Variants in PLEC observed in about 807,000 individuals in gnomAD.
PLEC encodes the protein hemidesmosomal protein 1.
PLEC carries 216 observed loss-of-function variants against 392.8 expected under a neutral mutation model. The ratio of observed to expected loss-of-function variants is 0.55; its 90% CI spans 0.49 to 0.62. The LOEUF (loss-of-function observed/expected upper bound fraction) is 0.62. Ranked by LOEUF, PLEC falls within the 20% of genes least tolerant of loss-of-function variation. The probability of loss-of-function intolerance (pLI) is 0.00; values close to 1 mark genes in which losing one functional copy is unlikely to be tolerated. For synonymous variants in PLEC, 3,621 were observed against 2,980.6 expected (o/e 1.21, Z -7.00); for missense variants, 6,863 against 6,563.4 (o/e 1.05, Z -1.58).
chr8:143,932,712 C>G lies in PLEC; in HGVS notation c.1738G>C (p.Gly580Arg). 1 of 1,607,130 alleles carries G rather than the reference C, an allele frequency of 6.2e-7. No homozygotes were observed. The highest frequency in any genetic ancestry group is 8.5e-7 in the Non-Finnish European group (1 of 1,177,486). ...CCCCGGGTGGCGGGGGAGAGCTGGCCCTGCAACAGATGAGACGGTGAGGTC... is the reference window on the plus strand; with the variant it reads ...CCCCGGGTGGCGGGGGAGAGCTGGCGCTGCAACAGATGAGACGGTGAGGTC... ...AKIERARSDE[G>R]QLSPATRGAY... Residue 580 changes from glycine to arginine, a missense_variant and splice_region_variant, in exon 15 of 32, where the codon GGC (glycine) becomes CGC (arginine). Physicochemically the swap from Gly to Arg is moderately radical, Grantham distance 125. Coordinates refer to ENST00000345136, the MANE Select transcript of PLEC (RefSeq NM_201384.3).
intron 6 of PLEC, among the ~76,000 whole-genome samples, 171 bp from the exon 7 acceptor site, chr8:143,935,484 C>T (rs1828797492): frequency 1.3e-5 from 2 of 152,192 alleles, no homozygotes; most frequent in Admixed American, 1.3e-4. Flanking sequence ...CCTGCCACCC[C>T]CACACCCAGA....
At chr8:143,952,699 G>C (rs376622286), upstream of PLEC, among the ~76,000 whole-genome samples, 70 of 152,122 alleles carry the variant, frequency 4.6e-4, no homozygotes, top group Middle Eastern at 6.8e-3. Context: ...TGATCCCAAG[G>C]CCTCTTAAAA....
At chr8:143,967,398 C>T (rs1357387848) in intron 1 of PLEC, among the ~76,000 whole-genome samples, 1 of 136,552 alleles carries the variant, frequency 7.3e-6, no homozygotes, top group African/African-American at 2.7e-5. Flanking sequence ...AAGAAACAGA[C>T]AGAATTAAAC....
rs782675313 is a variant in PLEC at position 143,924,769 on chromosome 8, G to A, written c.5160C>T (p.Ala1720=). 1.1e-5 allele frequency: 17 copies of A among 1,535,088 alleles called. No individual in the cohort carries two copies. The highest frequency in any genetic ancestry group is 2.4e-5 in the South Asian group (2 of 84,108). The stretch of plus-strand genomic sequence containing the variant: ...GCTGCTGCTCCCCCTGCTCCGTCTC[G>A]GCCCGCAGCCGGATCAACTCCTGCT... The part of the protein sequence containing the change: ...AAEQELIRLR[A]ETEQGEQQRQ... Residue 1720 remains alanine (A), a synonymous_variant, in exon 31 of 32, where the codon GCC becomes GCT. Transcript: ENST00000345136.
At position 143,931,792 on chromosome 8, in the gene PLEC, CCT is replaced by C. The variant is rs572923509; in HGVS notation, c.2179-135_2179-134del. 1,052 of 1,478,030 alleles carry C rather than the reference CCT, an allele frequency of 7.1e-4. 1 individual carries two copies. Among genetic ancestry groups the C allele is most frequent in the Non-Finnish European group, 8.8e-4 (958 of 1,084,770 alleles). The allele number at this position is 1,478,030 out of a possible 1,614,324, so 91.6% of individuals were successfully genotyped here. On this transcript the variant is annotated intron_variant, in intron 18 of 31. Coordinates refer to ENST00000345136, the MANE Select transcript of PLEC (RefSeq NM_201384.3). ...GCCCCCAGGAGGCCTGGGGAGCACCCCTGTCCAAGGCCCCGGTCAGGCTGCAG... is the reference window on the plus strand; with the variant it reads ...GCCCCCAGGAGGCCTGGGGAGCACCCGTCCAAGGCCCCGGTCAGGCTGCAG...
At chr8:143,934,209 AGT>A in intron 11 of PLEC, 107 bp downstream of exon 11, 1 of 1,592,170 alleles carries the variant, frequency 6.3e-7, no homozygotes, top group Non-Finnish European at 8.6e-7. Flanking sequence ...TCCTAAGGCG[AGT>A]GGGAGCTTGG....
upstream of PLEC, among the ~76,000 whole-genome samples, chr8:143,952,341 C>A (rs1384848173): frequency 1.3e-5 from 2 of 152,202 alleles, no homozygotes; most frequent in African/African-American, 4.8e-5. Context: ...GCTCTCCCTC[C>A]CTCTGAAGCC....
intron 1 of PLEC, chr8:143,946,688 C>G (rs1831527106): frequency 4.0e-6 from 1 of 249,140 alleles, no homozygotes; most frequent in South Asian, 3.3e-5. Flanking sequence ...AGCAGACCCC[C>G]CGCCCAGCAG....
intron 12 of PLEC, 48 bp downstream of exon 12, chr8:143,933,950 G>T: frequency 6.6e-7 from 1 of 1,514,188 alleles, no homozygotes; most frequent in Non-Finnish European, 9.0e-7. Flanking sequence ...GGCGGGGCAG[G>T]CTCCTCCGGC....
intron 1 of PLEC, chr8:143,946,689 C>T (rs7463897): frequency 0.33 from 75,764 of 230,994 alleles, 14,636 homozygotes; most frequent in Non-Finnish European, 0.4. Flanking sequence ...GCAGACCCCC[C>T]GCCCAGCAGA....
At chr8:143,949,182 C>A (rs1831838802) in intron 1 of PLEC, among the ~76,000 whole-genome samples, 1 of 152,256 alleles carries the variant, frequency 6.6e-6, no homozygotes, top group South Asian at 2.1e-4. Context: ...CTTGGGCCTC[C>A]CCTGGGCCCC....
chr8:143,924,980 T>A lies in PLEC; in HGVS notation c.4949A>T (p.Glu1650Val), dbSNP rs2131442848. The change falls in exon 31 of 32, where the codon GAG becomes GTG. Residue 1650 changes from glutamate (E) to valine (V), a missense_variant. By Grantham distance (121) the Glu-to-Val change is moderately radical (BLOSUM62 -2). Transcript: ENST00000345136. ...EALRLRLQAE[E>V]VAQQKSLAQA... Reference sequence around the variant, plus strand: ...CGCCAGGCTCTTCTGCTGCGCCACCTCCTCCGCCTGCAGCCGCAGCCGTAG... The same window carrying A: ...CGCCAGGCTCTTCTGCTGCGCCACCACCTCCGCCTGCAGCCGCAGCCGTAG... The A allele has an allele frequency of 2.5e-6, 4 of 1,577,352 alleles. No homozygotes were observed. Among genetic ancestry groups the A allele is most frequent in the Non-Finnish European group, 3.4e-6 (4 of 1,170,012 alleles).
At position 143,916,206 on chromosome 8, in the gene PLEC, G is replaced by A. The variant is rs1554668250; in HGVS notation, c.13615C>T (p.Leu4539=). The A allele has an allele frequency of 6.5e-6, 10 of 1,544,222 alleles. No individual in the cohort carries two copies. The highest frequency in any genetic ancestry group is 2.0e-5 in the Admixed American group (1 of 50,836). ...GCCACGGCAGACTCAGGGCCCCCCA[G>A]GGAGGCCGAGGACCCCGAGGCGTAG... ...RRYASGSSAS[L]GGPESAVA is the part of the protein sequence containing the mutation. The change falls in exon 32 of 32, where the codon CTG becomes TTG. Residue 4539 remains leucine (L), a synonymous_variant. Transcript: ENST00000345136.
Position 143,936,990 on chromosome 8 carries a change from G to A in PLEC, c.424C>T (p.Leu142=). 1 of 1,611,894 alleles carries A rather than the reference G, an allele frequency of 6.2e-7. No individual in the cohort carries two copies. Among genetic ancestry groups the A allele is most frequent in the Admixed American group, 1.7e-5 (1 of 60,010 alleles). ...GGCAGCCGTTCTACCTGGAAGTGCA[G>A]AATGATTGTCCAGATGAGGCCAAGG... The part of the protein sequence containing the change: ...LTLGLIWTII[L]HFQISDIQVS... Residue 142 remains leucine (L), a synonymous_variant, in exon 5 of 32, where the codon CTG becomes TTG. Coordinates refer to ENST00000345136, the MANE Select transcript of PLEC (RefSeq NM_201384.3).
chr8:143,968,953 T>C (rs568154749), intron 1 of PLEC, among the ~76,000 whole-genome samples: 1 of 152,312 alleles, frequency 6.6e-6, no homozygotes, highest in Admixed American at 6.5e-5. Context: ...CTGGCAGTTC[T>C]TCAAAATGGT....
intron 1 of PLEC, among the ~76,000 whole-genome samples, chr8:143,964,158 G>A (rs1178639814): frequency 6.6e-6 from 1 of 152,114 alleles, no homozygotes; most frequent in Non-Finnish European, 1.5e-5. Context: ...TGAGACTTTG[G>A]GGCATGTTGG....
chr8:143,932,901 C>A lies in PLEC; in HGVS notation c.1629G>T (p.Glu543Asp), dbSNP rs201164522. The change falls in exon 14 of 32, where the codon GAG becomes GAT. Residue 543 changes from glutamate (E) to aspartate (D), a missense_variant. Transcript: ENST00000345136. ...CCACGCTGGGCAGGTCCACACCCCA[C>A]TCAGCGCCATCCACACGGTGCTGGT... ...EENQHRVDGA[E>D]WGVDLPSVEA... The A allele has an allele frequency of 9.3e-4, 1,500 of 1,612,606 alleles. 12 individuals carry two copies. In the African/African-American group the frequency reaches 0.018, roughly 19 times the overall value.
At chr8:143,966,109 C>G (rs1833075482) in intron 1 of PLEC, among the ~76,000 whole-genome samples, 1 of 152,182 alleles carries the variant, frequency 6.6e-6, no homozygotes, top group South Asian at 2.1e-4. Context: ...GCTGAGGTCC[C>G]AACACCCCTC....
chr8:143,921,659 A>G lies in PLEC; in HGVS notation c.8162T>C (p.Leu2721Pro). 6.2e-7 allele frequency: 1 copy of G among 1,613,034 alleles called. No homozygotes were observed. Among genetic ancestry groups the G allele is most frequent in the Non-Finnish European group, 8.5e-7 (1 of 1,179,916 alleles). The change falls in exon 32 of 32, where the codon CTG becomes CCG. Residue 2721 changes from leucine to proline, a missense_variant. Transcript: ENST00000345136. The stretch of plus-strand genomic sequence containing the variant: ...CAGGATGAGGGCCGTGCCGGGACTC[A>G]GCAGCTGCCTCTGCAGGGCGGCGTA... ...SVYAALQRQLLSPGTALILLE... is the reference protein window; with the variant it reads ...SVYAALQRQLPSPGTALILLE...
Sources: allele counts gnomAD v4.1 joint callset (sites outside exome capture counted in the v4.1 genomes callset), GRCh38; gene constraint gnomAD v4.1.1; transcripts MANE v1.5; gene names NCBI Gene and HGNC (gene_info 2026-07-23, HGNC 2026-07-21).